The following TTC17 variants were observed in gnomAD, a reference collection of about 807,000 sequenced individuals.
TTC17 encodes tetratricopeptide repeat protein 17.
Under a neutral mutation model 143.8 loss-of-function variants are expected in TTC17, and 58 were observed. The ratio of observed to expected loss-of-function variants is 0.40; its 90% CI spans 0.33 to 0.50. The LOEUF is 0.50. Among genes scored for constraint, TTC17 ranks in the 20% least tolerant of loss-of-function variants. TTC17 has a pLI of 0.49. For synonymous variants in TTC17, 501 were observed against 497.8 expected, an observed-to-expected ratio of 1.01 and a Z score of -0.09; for missense variants, 1,273 against 1,392.5, an observed-to-expected ratio of 0.91 and a Z score of 1.37.
intron 1 of TTC17, among the ~76,000 whole-genome samples, chr11:43,378,283 A>G (rs1856836499): frequency 1.3e-5 from 2 of 152,180 alleles, no homozygotes; most frequent in South Asian, 4.1e-4. Flanking sequence ...TAAAAATCTC[A>G]TTTAAAAATA....
intron 2 of TTC17, among the ~76,000 whole-genome samples, chr11:43,387,576 G>T (rs561863888): frequency 6.6e-6 from 1 of 152,208 alleles, no homozygotes; most frequent in Non-Finnish European, 1.5e-5. Flanking sequence ...TTGGGGCTCT[G>T]TTGGGGATCT....
intron 16 of TTC17, among the ~76,000 whole-genome samples, chr11:43,420,019 G>A (rs1254934780): frequency 1.3e-5 from 2 of 152,192 alleles, no homozygotes; most frequent in Admixed American, 1.3e-4. Context: ...GTCTAAATCT[G>A]TATATTTCTT....
intron 5 of TTC17, among the ~76,000 whole-genome samples, chr11:43,393,010 G>T (rs1244140908): frequency 6.6e-6 from 1 of 152,178 alleles, no homozygotes; most frequent in Non-Finnish European, 1.5e-5. Flanking sequence ...TTAGGTGGTT[G>T]TATTTGTCTG....
intron 18 of TTC17, among the ~76,000 whole-genome samples, chr11:43,444,695 G>A (rs531744560): frequency 6.7e-6 from 1 of 149,244 alleles, no homozygotes; most frequent in South Asian, 2.1e-4. Flanking sequence ...AATACGTGCA[G>A]CGTACATAGG....
intron 18 of TTC17, 68 bp downstream of exon 18, chr11:43,444,277 T>G: frequency 6.7e-7 from 1 of 1,489,248 alleles, no homozygotes; most frequent in Non-Finnish European, 9.0e-7. Context: ...TCACAAAGGT[T>G]GTATTTGTAA....
At chr11:43,464,132 T>G (rs1333239158) in intron 21 of TTC17, among the ~76,000 whole-genome samples, 1 of 151,592 alleles carries the variant, frequency 6.6e-6, no homozygotes, top group African/African-American at 2.4e-5. Context: ...AAAAAAAAAT[T>G]AGCTGGGCGT....
In TTC17 at chr11:43,456,728, C is replaced by A. The variant is rs181371197; in HGVS notation, c.3030+5463C>A. ...GGTGTGAGCTAAGAACTGGCCTTAGCGTAGGGAGAAAGCCATTACTGAGGA... is the reference window on the plus strand; with the variant it reads ...GGTGTGAGCTAAGAACTGGCCTTAGAGTAGGGAGAAAGCCATTACTGAGGA... On this transcript the variant is annotated intron_variant, in intron 21 of 23. Transcript: ENST00000039989. Among the ~76,000 whole-genome samples the A allele has an allele frequency of 4.4e-4, 67 of 152,172 alleles. 1 individual carries two copies. In the East Asian group the frequency reaches 0.011, roughly 25 times the overall value.
intron 10 of TTC17, among the ~76,000 whole-genome samples, chr11:43,403,727 A>T (rs762310622): frequency 4.7e-5 from 6 of 126,486 alleles, no homozygotes; most frequent in African/African-American, 1.3e-4. Context: ...AGACTAAATC[A>T]TAAAAATGAA....
At chr11:43,373,848 G>C (rs747428333) in intron 1 of TTC17, among the ~76,000 whole-genome samples, 10 of 152,116 alleles carry the variant, frequency 6.6e-5, no homozygotes, top group African/African-American at 2.4e-4. Flanking sequence ...ATTTGCTTGC[G>C]TCCCTTCAGT....
intron 18 of TTC17, among the ~76,000 whole-genome samples, chr11:43,444,867 AAC>A (rs1169202359): frequency 6.6e-6 from 1 of 152,154 alleles, no homozygotes; most frequent in Admixed American, 6.6e-5. Context: ...TTAAATGTGT[AAC>A]ACACATTTTA....
At chr11:43,361,683 G>T (rs1379558369) in intron 1 of TTC17, among the ~76,000 whole-genome samples, 1 of 152,216 alleles carries the variant, frequency 6.6e-6, no homozygotes, top group Non-Finnish European at 1.5e-5. Context: ...CCATCGAAAG[G>T]TGGGGACCAT....
intron 21 of TTC17, among the ~76,000 whole-genome samples, chr11:43,481,225 GCAAA>G (rs1948280952): frequency 6.7e-6 from 1 of 150,106 alleles, no homozygotes; most frequent in African/African-American, 2.4e-5. Context: ...AATATGTAAA[GCAAA>G]CAAAAGAAAG....
intron 21 of TTC17, among the ~76,000 whole-genome samples, chr11:43,488,220 T>C (rs1315366142): frequency 6.6e-6 from 1 of 152,084 alleles, no homozygotes; most frequent in Non-Finnish European, 1.5e-5. Context: ...AAACCAATAC[T>C]AAAAGGTGAG....
chr11:43,378,108 G>A (rs73549419), intron 1 of TTC17, among the ~76,000 whole-genome samples: 20,731 of 151,960 alleles, frequency 0.14, 3,745 homozygotes, highest in African/African-American at 0.42. Context: ...TCACCATGTT[G>A]GGCAGGCTGG....
At chr11:43,366,043 C>T (rs1856326577) in intron 1 of TTC17, among the ~76,000 whole-genome samples, 1 of 150,968 alleles carries the variant, frequency 6.6e-6, no homozygotes. Flanking sequence ...TGCAGTGGCG[C>T]AATCTCGGCT....
In TTC17 at chr11:43,400,028, T is replaced by C. The variant is rs750635072; in HGVS notation, c.1199T>C (p.Met400Thr). ...ILRNIIHETQ[M>T]AKEAQLGNHQ... is the part of the protein sequence containing the mutation. ...AGAAATATCATTCATGAGACTCAGA[T>C]GGCAAAAGAGGCACAATTAGGTAAG... Residue 400 changes from methionine to threonine, a missense_variant, in exon 9 of 24, where the codon ATG (methionine) becomes ACG (threonine). By Grantham distance (81) the Met-to-Thr change is moderately conservative. Transcript: ENST00000039989. 5 of 1,613,282 alleles carry C rather than the reference T, an allele frequency of 3.1e-6. No homozygotes were observed. Among genetic ancestry groups the C allele is most frequent in the Non-Finnish European group, 3.4e-6 (4 of 1,179,716 alleles).
Position 43,494,797 on chromosome 11 carries a change from G to A in TTC17, c.*893G>A, listed in dbSNP as rs1948530417. On this transcript the variant is annotated 3_prime_UTR_variant, in exon 24 of 24. Coordinates refer to ENST00000039989, the MANE Select transcript of TTC17 (RefSeq NM_018259.6). ...GAGGCCTCCAGACTTAGCTCCTCAG[G>A]AGGGTAATGAGCCAAGGTTGAGTGT... The A allele has an allele frequency of 6.6e-6, 1 of 152,176 alleles. No individual in the cohort carries two copies. The highest frequency in any genetic ancestry group is 2.4e-5 in the African/African-American group (1 of 41,438). 9.4% of individuals were successfully genotyped at this position (152,176 alleles called of 1,614,324 possible).
At chr11:43,490,111 T>A in intron 21 of TTC17, 128 bp from the exon 22 acceptor site, 1 of 1,312,042 alleles carries the variant, frequency 7.6e-7, no homozygotes, top group South Asian at 1.6e-5. Context: ...CAGAAAGTGC[T>A]GAGCAGAGTG....
chr11:43,439,632 G>T lies in TTC17; in HGVS notation c.2252-3693G>T, dbSNP rs557086584. On this transcript the variant is annotated intron_variant, in intron 16 of 23. Transcript: ENST00000039989. The stretch of plus-strand genomic sequence containing the variant: ...TATAGGTGCCCACCACCACCCCTGG[G>T]CTAATTTTTGTATTTTTTAATAGAG... Among the ~76,000 whole-genome samples, 8 of 151,980 alleles carry T rather than the reference G, an allele frequency of 5.3e-5. No individual in the cohort carries two copies. In the East Asian group the frequency reaches 1.6e-3, roughly 30 times the overall value.
Sources: gnomAD v4.1 joint callset for allele counts (sites outside exome capture counted in the v4.1 genomes callset) on GRCh38, gnomAD v4.1.1 for gene constraint, MANE v1.5 for transcripts, NCBI Gene and HGNC (gene_info 2026-07-23, HGNC 2026-07-21) for gene names.